Variants in RBFOX1 observed in about 807,000 individuals in gnomAD.
RBFOX1 encodes the protein RNA binding fox-1 homolog 1.
Under a neutral mutation model 57.7 loss-of-function variants are expected in RBFOX1, and 8 were observed. The ratio of observed to expected loss-of-function variants is 0.14; its 90% CI spans 0.08 to 0.25. The LOEUF is 0.25. Among genes scored for constraint, RBFOX1 ranks in the 10% least tolerant of loss-of-function variants. RBFOX1 has a pLI of 1.00. For synonymous variants in RBFOX1, 326 were observed against 222.4 expected (o/e 1.47, Z -4.15); for missense variants, 611 against 548.5 (o/e 1.11, Z -1.14).
chr16:7,571,763 G>T (rs2092799727), intron 5 of RBFOX1, among the ~76,000 whole-genome samples: 1 of 152,116 alleles, frequency 6.6e-6, no homozygotes, highest in African/African-American at 2.4e-5. Flanking sequence ...CTTCCCATCT[G>T]TGTAGGGTCC....
intron 5 of RBFOX1, among the ~76,000 whole-genome samples, chr16:7,529,577 T>C (rs2079508615): frequency 6.6e-6 from 1 of 152,214 alleles, no homozygotes; most frequent in Non-Finnish European, 1.5e-5. Context: ...AATGTTTAGA[T>C]TTCTTTCTTC....
chr16:5,868,257 C>T (rs926705546), intron 4 of RBFOX1, among the ~76,000 whole-genome samples: 1 of 152,188 alleles, frequency 6.6e-6, no homozygotes, highest in East Asian at 1.9e-4. Flanking sequence ...GTCCCAGGAG[C>T]CCAGGGCTCT....
chr16:5,452,201 C>G (rs1402817343), intron 1 of RBFOX1, among the ~76,000 whole-genome samples: 1 of 150,402 alleles, frequency 6.6e-6, no homozygotes, highest in Non-Finnish European at 1.5e-5. Flanking sequence ...TCACTGCAAC[C>G]TCTGCTTCTC....
At chr16:5,834,446 G>T (rs2056384007) in intron 3 of RBFOX1, among the ~76,000 whole-genome samples, 1 of 152,132 alleles carries the variant, frequency 6.6e-6, no homozygotes, top group Admixed American at 6.5e-5. Flanking sequence ...TCTTTTCATG[G>T]CTGAGTAGTA....
intron 3 of RBFOX1, among the ~76,000 whole-genome samples, chr16:6,897,735 G>A (rs969431689): frequency 6.6e-6 from 1 of 152,180 alleles, no homozygotes; most frequent in East Asian, 1.9e-4. Context: ...AGAGGTTGCA[G>A]TGTGCTGAGA....
At chr16:5,506,885 G>A (rs1206863729) in intron 2 of RBFOX1, among the ~76,000 whole-genome samples, 2 of 151,976 alleles carry the variant, frequency 1.3e-5, no homozygotes, top group Admixed American at 1.3e-4. Flanking sequence ...CCCTCCATTT[G>A]CATTTCCCCC....
chr16:7,543,044 A>G (rs2083391856), intron 5 of RBFOX1, among the ~76,000 whole-genome samples: 2 of 152,178 alleles, frequency 1.3e-5, no homozygotes, highest in South Asian at 4.1e-4. Flanking sequence ...GGTTCTGAAC[A>G]ATCCTATAGG....
At chr16:6,893,446 T>C (rs2066000496) in intron 3 of RBFOX1, among the ~76,000 whole-genome samples, 1 of 152,196 alleles carries the variant, frequency 6.6e-6, no homozygotes, top group African/African-American at 2.4e-5. Flanking sequence ...AAGATCTTTC[T>C]TTTAAACCTG....
intron 1 of RBFOX1, among the ~76,000 whole-genome samples, chr16:5,341,015 C>T (rs909211769): frequency 6.6e-6 from 1 of 152,058 alleles, no homozygotes; most frequent in African/African-American, 2.4e-5. Context: ...GCTGAATAAC[C>T]CAGATACCTG....
intron 4 of RBFOX1, among the ~76,000 whole-genome samples, chr16:7,305,439 A>G (rs955620686): frequency 6.6e-6 from 1 of 152,142 alleles, no homozygotes; most frequent in Non-Finnish European, 1.5e-5. Flanking sequence ...GGGTTTTGTC[A>G]TGCAGATGAA....
chr16:6,526,722 A>G (rs1489809476), intron 2 of RBFOX1, among the ~76,000 whole-genome samples: 2 of 147,122 alleles, frequency 1.4e-5, no homozygotes, highest in Non-Finnish European at 3.0e-5. Context: ...CCCAGCTACT[A>G]GGGAGGCTGA....
At chr16:7,250,691 C>T (rs1029462669) in intron 4 of RBFOX1, among the ~76,000 whole-genome samples, 8 of 152,144 alleles carry the variant, frequency 5.3e-5, no homozygotes. Context: ...ACTGAATTTT[C>T]AGAATTTTTT....
chr16:7,331,977 C>G (rs2096704133), intron 4 of RBFOX1, among the ~76,000 whole-genome samples: 1 of 152,044 alleles, frequency 6.6e-6, no homozygotes, highest in Non-Finnish European at 1.5e-5. Flanking sequence ...TTAGCTATGC[C>G]TTGAAACTCT....
intron 1 of RBFOX1, among the ~76,000 whole-genome samples, chr16:5,402,107 A>G (rs2066733073): frequency 6.6e-6 from 1 of 152,020 alleles, no homozygotes; most frequent in African/African-American, 2.4e-5. Context: ...GGCATTTACC[A>G]GTCCCAGGCT....
intron 2 of RBFOX1, among the ~76,000 whole-genome samples, chr16:6,447,505 G>C (rs969157764): frequency 3.9e-5 from 6 of 152,146 alleles, no homozygotes; most frequent in Non-Finnish European, 8.8e-5. Flanking sequence ...TAGTGCACAG[G>C]CTTAGAGTAG....
intron 1 of RBFOX1, among the ~76,000 whole-genome samples, chr16:6,258,162 C>T (rs750311226): frequency 7.2e-5 from 11 of 152,070 alleles, no homozygotes; most frequent in Non-Finnish European, 1.3e-4. Flanking sequence ...TACAATTGTC[C>T]ATTTTTGTCT....
chr16:6,066,544 G>A (rs2095765893), intron 1 of RBFOX1, among the ~76,000 whole-genome samples: 1 of 152,066 alleles, frequency 6.6e-6, no homozygotes, highest in East Asian at 1.9e-4. Context: ...GTCCACGGTT[G>A]AGCATGGATG....
At chr16:6,179,583 A>G (rs1174672669) in intron 1 of RBFOX1, among the ~76,000 whole-genome samples, 1 of 152,160 alleles carries the variant, frequency 6.6e-6, no homozygotes, top group African/African-American at 2.4e-5. Context: ...GCAGCCCACT[A>G]GTGTTATCAA....
intron 4 of RBFOX1, among the ~76,000 whole-genome samples, chr16:7,316,413 T>C (rs2096440249): frequency 6.6e-6 from 1 of 152,184 alleles, no homozygotes; most frequent in African/African-American, 2.4e-5. Flanking sequence ...CCAGAATGAT[T>C]AAGTCACCTC....
Sources: allele counts gnomAD v4.1 joint callset (sites outside exome capture counted in the v4.1 genomes callset), GRCh38; gene constraint gnomAD v4.1.1; transcripts MANE v1.5; gene names NCBI Gene and HGNC (gene_info 2026-07-23, HGNC 2026-07-21).